PCDHA8: variants seen among roughly 807,000 people sequenced by gnomAD.
The protein encoded by PCDHA8 is protocadherin alpha 8, also known as protocadherin alpha-8.
A neutral mutation model predicts 61.8 loss-of-function variants in PCDHA8; 53 were observed. That is an observed-to-expected ratio of 0.86 (90% CI 0.69 to 1.08). The LOEUF is 1.08. PCDHA8 is among the 50% of genes least tolerant of loss of function. The pLI is 0.00. For synonymous variants in PCDHA8, 618 were observed against 556.6 expected (o/e 1.11, Z -1.55); for missense variants, 1,293 against 1,245.0 (o/e 1.04, Z -0.58).
chr5:141,004,897 G>T (rs1455115465), intron 3 of PCDHA8, among the ~76,000 whole-genome samples: 1 of 152,154 alleles, frequency 6.6e-6, no homozygotes, highest in Non-Finnish European at 1.5e-5. Context: ...TGTCAGCTCT[G>T]CCAGGGTGTA....
At chr5:140,967,099 T>G in intron 1 of PCDHA8, 1 of 1,613,074 alleles carries the variant, frequency 6.2e-7, no homozygotes, top group Non-Finnish European at 8.5e-7. Context: ...AGGCGCTGTG[T>G]GAGCAGCGGC....
At chr5:141,005,978 G>C (rs1226619772) in intron 3 of PCDHA8, among the ~76,000 whole-genome samples, 2 of 151,936 alleles carry the variant, frequency 1.3e-5, no homozygotes, top group African/African-American at 4.8e-5. Context: ...CAATTCCAAA[G>C]AGTGTTTGAG....
chr5:140,938,443 A>C (rs1324427427), intron 1 of PCDHA8, among the ~76,000 whole-genome samples: 1 of 152,180 alleles, frequency 6.6e-6, no homozygotes, highest in African/African-American at 2.4e-5. Context: ...AGATTTATTA[A>C]GTTCCCTTTG....
At chr5:140,927,598 T>G (rs2084398863) in intron 1 of PCDHA8, 1 of 1,614,046 alleles carries the variant, frequency 6.2e-7, no homozygotes, top group African/African-American at 1.3e-5. Flanking sequence ...ATTTGAGCGC[T>G]CCGTATACCG....
intron 1 of PCDHA8, chr5:140,968,944 G>C (rs782732835): frequency 1.2e-6 from 2 of 1,614,152 alleles, no homozygotes; most frequent in Non-Finnish European, 8.5e-7. Context: ...TCATCATTTT[G>C]AGCATCATCA....
intron 3 of PCDHA8, among the ~76,000 whole-genome samples, chr5:141,005,586 C>T (rs1428172819): frequency 6.6e-6 from 1 of 150,712 alleles, no homozygotes; most frequent in Non-Finnish European, 1.5e-5. Flanking sequence ...CCTGTAGTCC[C>T]AGCTACACAG....
intron 2 of PCDHA8, among the ~76,000 whole-genome samples, chr5:140,980,855 C>T (rs1313101029): frequency 2.6e-5 from 4 of 151,960 alleles, no homozygotes; most frequent in South Asian, 2.1e-4. Flanking sequence ...TAATCTTTTT[C>T]GTATGTGTGC....
intron 1 of PCDHA8, among the ~76,000 whole-genome samples, chr5:140,962,176 C>T (rs1554225858): frequency 6.6e-6 from 1 of 152,104 alleles, no homozygotes; most frequent in Admixed American, 6.6e-5. Flanking sequence ...CACCCGGCCA[C>T]TTATATCACT....
chr5:140,913,036 A>G (rs2076178944), intron 1 of PCDHA8, among the ~76,000 whole-genome samples: 3 of 152,190 alleles, frequency 2.0e-5, no homozygotes, highest in African/African-American at 7.2e-5. Context: ...CATCAGATAT[A>G]TTGGCCTGGA....
chr5:140,954,532 GT>G (rs1274213608), intron 1 of PCDHA8, among the ~76,000 whole-genome samples: 7 of 152,088 alleles, frequency 4.6e-5, no homozygotes, highest in Non-Finnish European at 5.9e-5. Context: ...TGATGTTGAG[GT>G]TTTTTTCATA....
At chr5:140,871,545 A>G (rs1554165721) in intron 1 of PCDHA8, 1 of 1,501,736 alleles carries the variant, frequency 6.7e-7, no homozygotes, top group Non-Finnish European at 8.9e-7. Context: ...GAAATTATTT[A>G]AAATCCAGTT....
chr5:140,937,213 A>AT (rs1339770312), intron 1 of PCDHA8, among the ~76,000 whole-genome samples: 2 of 151,454 alleles, frequency 1.3e-5, no homozygotes, highest in Admixed American at 1.3e-4. Flanking sequence ...AATTTTTTGT[A>AT]TTTTTTGTAG....
intron 1 of PCDHA8, among the ~76,000 whole-genome samples, chr5:140,964,836 T>G (rs1306843318): frequency 1.3e-5 from 2 of 152,148 alleles, no homozygotes; most frequent in African/African-American, 4.8e-5. Flanking sequence ...AATTGCTTCC[T>G]ACTCTGTACC....
At chr5:140,884,603 T>A in intron 1 of PCDHA8, 4 of 1,614,132 alleles carry the variant, frequency 2.5e-6, no homozygotes, top group Non-Finnish European at 3.4e-6. Flanking sequence ...CCTTCCTCCT[T>A]GTCTGGGTTC....
At chr5:140,883,853 G>C in intron 1 of PCDHA8, 2 of 1,613,002 alleles carry the variant, frequency 1.2e-6, no homozygotes, top group Middle Eastern at 1.9e-4. Flanking sequence ...CGAGGAGCTG[G>C]AGCTGTTGCA....
chr5:140,950,919 T>TCCACA (rs1554219687), intron 1 of PCDHA8, among the ~76,000 whole-genome samples: 4 of 152,198 alleles, frequency 2.6e-5, no homozygotes, highest in African/African-American at 9.6e-5. Context: ...TTTATTTCAG[T>TCCACA]TCTTTTTCTT....
Position 140,841,734 on chromosome 5 carries a change from A to G in PCDHA8, c.413A>G (p.Gln138Arg). ...DNPPVFRVKD[Q>R]KLFVSESRMP... The stretch of plus-strand genomic sequence containing the variant: ...CCGCCAGTGTTCCGGGTAAAAGACC[A>G]AAAGCTGTTTGTTTCAGAATCCAGA... Residue 138 changes from glutamine (Q) to arginine (R), a missense_variant, in exon 1 of 4, where the codon CAA becomes CGA. Transcript: ENST00000531613. 4 of 1,613,870 alleles carry G rather than the reference A, an allele frequency of 2.5e-6. No individual in the cohort carries two copies. Among genetic ancestry groups the G allele is most frequent in the Non-Finnish European group, 3.4e-6 (4 of 1,179,874 alleles).
intron 1 of PCDHA8, chr5:140,871,620 T>C: frequency 7.1e-7 from 1 of 1,405,980 alleles, no homozygotes; most frequent in Non-Finnish European, 9.4e-7. Context: ...TTGTTTTAGA[T>C]AACAATGTCT....
At chr5:140,850,542 T>G (rs1554144492) in intron 1 of PCDHA8, 1 of 1,597,608 alleles carries the variant, frequency 6.3e-7, no homozygotes, top group Non-Finnish European at 8.6e-7. Flanking sequence ...GTCGCGGGCG[T>G]CAGTGGGTGC....
Sources: allele counts gnomAD v4.1 joint callset (sites outside exome capture counted in the v4.1 genomes callset), GRCh38; gene constraint gnomAD v4.1.1; transcripts MANE v1.5; gene names NCBI Gene and HGNC (gene_info 2026-07-23, HGNC 2026-07-21).